SMC6: variants seen among roughly 807,000 people sequenced by gnomAD.
The protein encoded by SMC6 is structural maintenance of chromosomes 6.
SMC6 carries 79 observed loss-of-function variants against 142.2 expected under a neutral mutation model. The ratio of observed to expected loss-of-function variants is 0.56; its 90% CI spans 0.46 to 0.67. The LOEUF is 0.67. SMC6 is among the 30% of genes least tolerant of loss of function. SMC6 has a pLI of 0.00. For missense variants in SMC6, 1,072 were observed against 1,284.0 expected, an observed-to-expected ratio of 0.83 and a Z score of 2.52; for synonymous variants, 411 against 412.4, an observed-to-expected ratio of 1.00 and a Z score of 0.04.
chr2:17,677,861 A>G (rs1408742058), intron 25 of SMC6, among the ~76,000 whole-genome samples: 1 of 152,198 alleles, frequency 6.6e-6, no homozygotes, highest in East Asian at 1.9e-4. Context: ...GAGCTTTTAA[A>G]CAAAAAAGAT....
chr2:17,666,628 A>G (rs1237860951), intron 26 of SMC6, 111 bp from the exon 27 acceptor site: 3 of 733,482 alleles, frequency 4.1e-6, no homozygotes. Context: ...GGGATCAGTC[A>G]TTACATTATC....
chr2:17,681,509 T>C (rs1265167035), intron 24 of SMC6: 1 of 152,204 alleles, frequency 6.6e-6, no homozygotes, highest in African/African-American at 2.4e-5. Context: ...GTGATAGAAA[T>C]CCTACTCTTC....
chr2:17,744,742 G>A (rs1238324624), intron 3 of SMC6, among the ~76,000 whole-genome samples: 2 of 152,124 alleles, frequency 1.3e-5, no homozygotes, highest in Non-Finnish European at 2.9e-5. Context: ...AACAGGTTGA[G>A]GAAGTTCCAG....
At chr2:17,737,857 C>A (rs1056464137) in intron 5 of SMC6, among the ~76,000 whole-genome samples, 1 of 152,182 alleles carries the variant, frequency 6.6e-6, no homozygotes, top group South Asian at 2.1e-4. Context: ...TCCCTACTAT[C>A]GTATCAATGT....
At chr2:17,733,999 A>C (rs754560220) in intron 5 of SMC6, among the ~76,000 whole-genome samples, 1 of 152,172 alleles carries the variant, frequency 6.6e-6, no homozygotes, top group Non-Finnish European at 1.5e-5. Flanking sequence ...TTACCTGTAC[A>C]CTTTTCACAA....
rs1406577770 is a variant in SMC6, at chr2:17,664,822, GC to G, written c.*676del. ...AGTCCCTCTAGCCTGTGTCCTCTCA[GC>G]TGAGGACAAGCCTGAACAGTCCCTG... On this transcript the variant is annotated 3_prime_UTR_variant, in exon 28 of 28. Coordinates refer to ENST00000448223, the MANE Select transcript of SMC6 (RefSeq NM_001142286.2). 6.6e-6 allele frequency: 1 copy of G among 152,194 alleles called. No homozygotes were observed. The highest frequency in any genetic ancestry group is 1.5e-5 in the Non-Finnish European group (1 of 68,062). 9.4% of individuals were successfully genotyped at this position (152,194 alleles called of 1,614,324 possible). A position where few individuals can be genotyped will look rare whatever the true frequency, so the allele number is the denominator to read the frequency against.
At chr2:17,741,073 A>G (rs986070771) in intron 4 of SMC6, among the ~76,000 whole-genome samples, 11 of 152,182 alleles carry the variant, frequency 7.2e-5, no homozygotes, top group African/African-American at 2.7e-4. Flanking sequence ...ACCAGTTCCT[A>G]TACACATCTA....
chr2:17,683,379 G>A (rs922505380), intron 24 of SMC6, among the ~76,000 whole-genome samples: 5 of 152,150 alleles, frequency 3.3e-5, no homozygotes, highest in Non-Finnish European at 7.4e-5. Flanking sequence ...TAGAACCAAT[G>A]AGTTCCCTTT....
At position 17,721,085 on chromosome 2, in the gene SMC6, C is replaced by T. The variant is rs750132838; in HGVS notation, c.847-47G>A. On this transcript the variant is annotated intron_variant, in intron 10 of 27. Coordinates refer to ENST00000448223, the MANE Select transcript of SMC6 (RefSeq NM_001142286.2). ...AAATTGATCAGATTAACAATAATAACCAAATACATTCTGCATATCACATAG... is the reference window on the plus strand; with the variant it reads ...AAATTGATCAGATTAACAATAATAATCAAATACATTCTGCATATCACATAG... The T allele has an allele frequency of 5.0e-6, 8 of 1,611,910 alleles. No homozygotes were observed. The African/African-American group carries it at 8.0e-5, about 16-fold the overall frequency.
intron 1 of SMC6, 56 bp downstream of exon 1, chr2:17,753,570 G>C (rs1174993143): frequency 6.6e-6 from 1 of 152,338 alleles, no homozygotes; most frequent in Non-Finnish European, 1.5e-5. Flanking sequence ...AGGGGGCAGC[G>C]GGCGGAGGAT....
At chr2:17,735,517 T>C (rs1209845348) in intron 5 of SMC6, among the ~76,000 whole-genome samples, 1 of 152,162 alleles carries the variant, frequency 6.6e-6, no homozygotes, top group African/African-American at 2.4e-5. Flanking sequence ...GAGAATGAGT[T>C]TTTGTCCCTC....
intron 15 of SMC6, among the ~76,000 whole-genome samples, 172 bp downstream of exon 15, chr2:17,715,914 C>G (rs1009679083): frequency 6.6e-6 from 1 of 152,090 alleles, no homozygotes; most frequent in African/African-American, 2.4e-5. Context: ...CCAAAGTTCT[C>G]TTTCTTTCGG....
At chr2:17,705,656 A>G (rs1217748235) in intron 18 of SMC6, among the ~76,000 whole-genome samples, 1 of 152,208 alleles carries the variant, frequency 6.6e-6, no homozygotes, top group Non-Finnish European at 1.5e-5. Context: ...GCAAGACAAT[A>G]TTGTCATTAT....
At chr2:17,749,488 G>C (rs1021305524) in intron 2 of SMC6, among the ~76,000 whole-genome samples, 2 of 152,182 alleles carry the variant, frequency 1.3e-5, no homozygotes, top group Non-Finnish European at 2.9e-5. Flanking sequence ...AGGAGTTTGA[G>C]ACCAGACTGG....
In SMC6 at chr2:17,716,799, C is replaced by CT; in HGVS notation, c.1287dup (p.Glu430ArgfsTer20). ...ATGGCTTGCTGAAACTGTTCGATCT[C>CT]TTGATTGACTGAATTTTCTTGATTT... is the stretch of plus-strand genomic sequence containing the variant. On this transcript the variant is annotated frameshift_variant, in exon 14 of 28. Transcript: ENST00000448223. LOFTEE classifies it high-confidence loss of function. 6.2e-7 allele frequency: 1 copy of CT among 1,613,564 alleles called. No homozygotes were observed. Among genetic ancestry groups the CT allele is most frequent in the South Asian group, 1.1e-5 (1 of 91,010 alleles).
chr2:17,746,516 T>C (rs1293359127), intron 2 of SMC6: 1 of 152,192 alleles, frequency 6.6e-6, no homozygotes, highest in Admixed American at 6.5e-5. Context: ...AAACTTTTAA[T>C]TTTTAAGTTG....
intron 23 of SMC6, among the ~76,000 whole-genome samples, chr2:17,686,203 CG>C: frequency 6.6e-6 from 1 of 152,102 alleles, no homozygotes; most frequent in Non-Finnish European, 1.5e-5. Context: ...TGGCCAGGTA[CG>C]GTATCTCACT....
intron 24 of SMC6, among the ~76,000 whole-genome samples, chr2:17,683,339 T>C (rs1049901139): frequency 6.6e-6 from 1 of 152,186 alleles, no homozygotes; most frequent in Non-Finnish European, 1.5e-5. Flanking sequence ...ATTAAAAACA[T>C]GCAATAGTCA....
chr2:17,691,308 A>G (rs71447296), intron 23 of SMC6, among the ~76,000 whole-genome samples: 2 of 108,590 alleles, frequency 1.8e-5, no homozygotes, highest in African/African-American at 8.4e-5. Flanking sequence ...GCTGAATAGT[A>G]TTCTGGTGTG....
Sources: gnomAD v4.1 joint callset for allele counts (sites outside exome capture counted in the v4.1 genomes callset) on GRCh38, gnomAD v4.1.1 for gene constraint, MANE v1.5 for transcripts, NCBI Gene and HGNC (gene_info 2026-07-23, HGNC 2026-07-21) for gene names.